DGKB: variants seen among roughly 807,000 people sequenced by gnomAD.
The protein encoded by DGKB is 90 kDa diacylglycerol kinase.
In DGKB, 67 loss-of-function variants were observed where a neutral mutation model predicts 114.3. That is an observed-to-expected ratio of 0.59 (90% CI 0.48 to 0.72). The LOEUF is 0.72. DGKB is among the 30% of genes least tolerant of loss of function. The pLI, the probability that DGKB is intolerant of heterozygous loss-of-function variation, is 0.00. For synonymous variants in DGKB, 398 were observed against 323.1 expected, an observed-to-expected ratio of 1.23 and a Z score of -2.49; for missense variants, 907 against 975.2, an observed-to-expected ratio of 0.93 and a Z score of 0.93.
intron 2 of DGKB, among the ~76,000 whole-genome samples, chr7:14,773,317 T>C (rs1178116035): frequency 6.6e-6 from 1 of 152,146 alleles, no homozygotes; most frequent in Non-Finnish European, 1.5e-5. Context: ...AGGTTGAGAA[T>C]GCATTCTTAT....
At chr7:14,436,033 C>T (rs1364047726) in intron 21 of DGKB, among the ~76,000 whole-genome samples, 1 of 151,938 alleles carries the variant, frequency 6.6e-6, no homozygotes, top group Admixed American at 6.6e-5. Context: ...GAATCTAATG[C>T]CTAATTTTTC....
In DGKB at chr7:14,305,055, T is replaced by C. The variant is rs145339674; in HGVS notation, c.2122+33460A>G. On this transcript the variant is annotated intron_variant, in intron 23 of 25. Coordinates refer to ENST00000402815, the MANE Select transcript of DGKB (RefSeq NM_001350709.2). ...GAGGTACATATGATATTTTCACATA[T>C]GCATACAATGTGTAATGATCCAATC... Among the ~76,000 whole-genome samples, 1,054 of 152,278 alleles carry C rather than the reference T, an allele frequency of 6.9e-3. 13 individuals carry two copies. Among genetic ancestry groups the C allele is most frequent in the African/African-American group, 0.024 (1,015 of 41,570 alleles).
chr7:14,256,971 G>A (rs1796048354), intron 23 of DGKB, among the ~76,000 whole-genome samples: 1 of 152,100 alleles, frequency 6.6e-6, no homozygotes, highest in Non-Finnish European at 1.5e-5. Flanking sequence ...TTTGAGACCA[G>A]CATGGGCATC....
intron 20 of DGKB, among the ~76,000 whole-genome samples, chr7:14,565,128 T>G (rs1019952435): frequency 2.0e-5 from 3 of 152,172 alleles, no homozygotes; most frequent in African/African-American, 7.2e-5. Flanking sequence ...GCAAGCTGGA[T>G]GCAAACAGAG....
chr7:14,523,490 C>T (rs1003433002), intron 20 of DGKB, among the ~76,000 whole-genome samples: 1 of 152,112 alleles, frequency 6.6e-6, no homozygotes, highest in Non-Finnish European at 1.5e-5. Flanking sequence ...CAACAGCCTA[C>T]AGTATAGTCT....
At chr7:14,340,137 C>T (rs1052772032) in intron 22 of DGKB, among the ~76,000 whole-genome samples, 1 of 139,528 alleles carries the variant, frequency 7.2e-6, no homozygotes, top group Non-Finnish European at 1.5e-5. Flanking sequence ...TCAATGAGGG[C>T]GAAACCAAGA....
At chr7:14,654,568 T>C (rs955707093) in intron 13 of DGKB, among the ~76,000 whole-genome samples, 1 of 151,880 alleles carries the variant, frequency 6.6e-6, no homozygotes, top group African/African-American at 2.4e-5. Context: ...CCCAAACAAA[T>C]ACAAGTAGTC....
chr7:14,634,481 TACACACACAC>T lies in DGKB; in HGVS notation c.1135-4223_1135-4214del, dbSNP rs34758174. The stretch of plus-strand genomic sequence containing the variant: ...AGAAATCACTATATCTACAAAGTGA[TACACACACAC>T]ACACACACACACACACACACACACA... On this transcript the variant is annotated intron_variant, in intron 13 of 25. Coordinates refer to ENST00000402815, the MANE Select transcript of DGKB (RefSeq NM_001350709.2). Among the ~76,000 whole-genome samples, 441 of 145,262 alleles carry T rather than the reference TACACACACAC, an allele frequency of 3.0e-3. 3 individuals are homozygous for T. Among genetic ancestry groups the T allele is most frequent in the African/African-American group, 0.01 (412 of 39,814 alleles).
At chr7:14,620,702 A>T (rs1807462610) in intron 15 of DGKB, among the ~76,000 whole-genome samples, 1 of 151,766 alleles carries the variant, frequency 6.6e-6, no homozygotes, top group South Asian at 2.1e-4. Context: ...AACACAGGTA[A>T]AAAATAGAGG....
intron 23 of DGKB, among the ~76,000 whole-genome samples, chr7:14,188,639 G>A (rs6954572): frequency 0.22 from 21,017 of 97,136 alleles, 2,710 homozygotes; most frequent in African/African-American, 0.28. Flanking sequence ...CAGCCTGGGC[G>A]ACAAAGCGAG....
At chr7:14,535,499 G>A (rs1563433551) in intron 20 of DGKB, among the ~76,000 whole-genome samples, 1 of 152,002 alleles carries the variant, frequency 6.6e-6, no homozygotes, top group Non-Finnish European at 1.5e-5. Context: ...ATAGTTAGCA[G>A]AAGAAAGAAA....
In DGKB at chr7:14,409,951, A is replaced by G. The variant is rs1583720057; in HGVS notation, c.1836-64560T>C. On this transcript the variant is annotated intron_variant, in intron 21 of 25. Transcript: ENST00000402815. ...CACACAACATACAAAATATGTGTAA[A>G]TCAACTGTTTATGTTATCAGTAAGG... Among the ~76,000 whole-genome samples, 10 of 152,230 alleles carry G rather than the reference A, an allele frequency of 6.6e-5. 2 individuals are homozygous for G. Among genetic ancestry groups the G allele is most frequent in the East Asian group, 1.9e-4 (1 of 5,174 alleles).
At chr7:14,933,341 T>C (rs11768776) in intron 1 of DGKB, among the ~76,000 whole-genome samples, 5,073 of 152,278 alleles carry the variant, frequency 0.033, 133 homozygotes, top group Non-Finnish European at 0.046. Context: ...TAACTGCAAA[T>C]TGGATCTATC....
intron 1 of DGKB, among the ~76,000 whole-genome samples, chr7:14,948,244 T>C (rs1428444171): frequency 2.0e-5 from 3 of 151,940 alleles, no homozygotes; most frequent in South Asian, 2.1e-4. Context: ...TTATTTATTA[T>C]AAAAATGTTT....
intron 21 of DGKB, among the ~76,000 whole-genome samples, chr7:14,464,827 A>G (rs1431327731): frequency 6.6e-6 from 1 of 152,170 alleles, no homozygotes; most frequent in African/African-American, 2.4e-5. Context: ...TTGGCAGAGA[A>G]TGCTTTTTGA....
intron 10 of DGKB, among the ~76,000 whole-genome samples, 194 bp downstream of exon 10, chr7:14,685,051 C>T (rs17668238): frequency 0.018 from 2,664 of 152,126 alleles, 34 homozygotes; most frequent in South Asian, 0.028. Context: ...TTTTTTCCAA[C>T]GGTAGGTTTT....
At chr7:14,362,480 T>A (rs1020779229) in intron 21 of DGKB, among the ~76,000 whole-genome samples, 3 of 152,068 alleles carry the variant, frequency 2.0e-5, no homozygotes, top group Non-Finnish European at 4.4e-5. Context: ...TGAAGCACTA[T>A]TCTAGTTGCC....
At chr7:14,645,424 G>A (rs1003623744) in intron 13 of DGKB, among the ~76,000 whole-genome samples, 1 of 151,948 alleles carries the variant, frequency 6.6e-6, no homozygotes, top group Non-Finnish European at 1.5e-5. Context: ...CCGAACAACA[G>A]GACAGAAAAA....
intron 6 of DGKB, among the ~76,000 whole-genome samples, chr7:14,713,247 C>T (rs1827654895): frequency 6.6e-6 from 1 of 152,014 alleles, no homozygotes; most frequent in Non-Finnish European, 1.5e-5. Flanking sequence ...CTACTATACA[C>T]ACTCTGGTGT....
Sources: gnomAD v4.1 joint callset for allele counts (sites outside exome capture counted in the v4.1 genomes callset) on GRCh38, gnomAD v4.1.1 for gene constraint, MANE v1.5 for transcripts, NCBI Gene and HGNC (gene_info 2026-07-23, HGNC 2026-07-21) for gene names.